Variants in MIPEP observed in about 807,000 individuals in gnomAD.
MIPEP encodes the protein mitochondrial intermediate peptidase.
A neutral mutation model predicts 90.3 loss-of-function variants in MIPEP; 79 were observed. The ratio of observed to expected loss-of-function variants is 0.87; its 90% CI spans 0.73 to 1.05. MIPEP has a LOEUF of 1.05. MIPEP is among the 50% of genes least tolerant of loss of function. The probability of loss-of-function intolerance (pLI) is 0.00; values close to 1 mark genes in which losing one functional copy is unlikely to be tolerated. For missense variants in MIPEP, 940 were observed against 905.6 expected, an observed-to-expected ratio of 1.04 and a Z score of -0.49; for synonymous variants, 334 against 315.8, an observed-to-expected ratio of 1.06 and a Z score of -0.61.
chr13:23,773,475 A>G (rs1323524688), intron 16 of MIPEP, among the ~76,000 whole-genome samples: 4 of 152,062 alleles, frequency 2.6e-5, no homozygotes, highest in African/African-American at 9.7e-5. Context: ...AGAGTTCCCT[A>G]CCACCTGGGA....
intron 16 of MIPEP, among the ~76,000 whole-genome samples, chr13:23,793,410 C>G (rs1304001986): frequency 6.6e-6 from 1 of 152,050 alleles, no homozygotes; most frequent in Non-Finnish European, 1.5e-5. Context: ...GTCGCAAGAG[C>G]CTTCTGGATA....
At chr13:23,841,909 TA>T (rs1384184522) in intron 10 of MIPEP, among the ~76,000 whole-genome samples, 1 of 152,114 alleles carries the variant, frequency 6.6e-6, no homozygotes, top group African/African-American at 2.4e-5. Flanking sequence ...ATTAAATGAA[TA>T]AAAATCCTGA....
chr13:23,774,597 T>C (rs1255569463), intron 16 of MIPEP, among the ~76,000 whole-genome samples: 1 of 152,144 alleles, frequency 6.6e-6, no homozygotes, highest in East Asian at 1.9e-4. Context: ...TTTTACAGTT[T>C]ATACTTTACA....
chr13:23,828,215 T>C (rs972430368), intron 14 of MIPEP, among the ~76,000 whole-genome samples: 2 of 152,232 alleles, frequency 1.3e-5, no homozygotes, highest in Non-Finnish European at 2.9e-5. Context: ...AACAAACCTA[T>C]AACAAACATC....
At chr13:23,858,720 G>A in intron 10 of MIPEP, 140 bp downstream of exon 10, 1 of 691,110 alleles carries the variant, frequency 1.4e-6, no homozygotes, top group Admixed American at 2.4e-5. Context: ...ATACATGAGT[G>A]GAGCAGACCA....
intron 9 of MIPEP, among the ~76,000 whole-genome samples, chr13:23,860,259 T>C (rs1005054130): frequency 7.2e-5 from 11 of 152,196 alleles, no homozygotes; most frequent in African/African-American, 2.2e-4. Flanking sequence ...AGTTTTATGA[T>C]AGAAGCAGTT....
rs115930944 is a variant in MIPEP at position 23,868,635 on chromosome 13, G to A, written c.943+657C>T. ...TCACTGCCAAGACCTTGAGTCTCAC[G>A]CAGCTCCATCATCACGGCCACCCTA... is the stretch of plus-strand genomic sequence containing the variant. On this transcript the variant is annotated intron_variant, in intron 7 of 18. Coordinates refer to ENST00000382172, the MANE Select transcript of MIPEP (RefSeq NM_005932.4). Among the ~76,000 whole-genome samples, 503 of 152,156 alleles carry A rather than the reference G, an allele frequency of 3.3e-3. 5 individuals are homozygous for A. The highest frequency in any genetic ancestry group is 0.011 in the African/African-American group (464 of 41,508).
chr13:23,874,574 T>C (rs554549168), intron 5 of MIPEP, among the ~76,000 whole-genome samples: 39 of 152,228 alleles, frequency 2.6e-4, no homozygotes, highest in Non-Finnish European at 5.3e-4. Context: ...TTTCCTGATA[T>C]TGCCTATCTC....
At chr13:23,760,986 T>C (rs1036671672) in intron 16 of MIPEP, among the ~76,000 whole-genome samples, 1 of 152,200 alleles carries the variant, frequency 6.6e-6, no homozygotes, top group African/African-American at 2.4e-5. Context: ...TTTCATGAAC[T>C]AGTTTTTGTA....
chr13:23,805,639 T>C (rs1451462257), intron 16 of MIPEP, among the ~76,000 whole-genome samples: 1 of 152,180 alleles, frequency 6.6e-6, no homozygotes, highest in Non-Finnish European at 1.5e-5. Context: ...ATCACATTCA[T>C]CTTACATCAC....
chr13:23,759,103 A>G (rs1952514311), intron 17 of MIPEP, among the ~76,000 whole-genome samples: 1 of 152,122 alleles, frequency 6.6e-6, no homozygotes, highest in Non-Finnish European at 1.5e-5. Context: ...GCTATAAACA[A>G]CTCTGACACC....
In MIPEP at chr13:23,886,390, G is replaced by C; in HGVS notation, c.306C>G (p.Pro102=). The part of the protein sequence containing the change: ...VDRACSTPPG[P]QTVLIFDELS... ...GCTCATCGAAGATCAGCACGGTCTGGGGCCCAGGTGGGGTGGAACATGCAC... is the reference window on the plus strand; with the variant it reads ...GCTCATCGAAGATCAGCACGGTCTGCGGCCCAGGTGGGGTGGAACATGCAC... The change falls in exon 2 of 19, where the codon CCC becomes CCG. Residue 102 remains proline, a synonymous_variant. Coordinates refer to ENST00000382172, the MANE Select transcript of MIPEP (RefSeq NM_005932.4). The C allele has an allele frequency of 1.9e-6, 3 of 1,607,646 alleles. No individual in the cohort carries two copies. The Middle Eastern group carries it at 5.0e-4, about 266-fold the overall frequency.
At chr13:23,867,273 T>C (rs1418894769) in intron 7 of MIPEP, among the ~76,000 whole-genome samples, 2 of 152,216 alleles carry the variant, frequency 1.3e-5, no homozygotes, top group South Asian at 2.1e-4. Context: ...TCAGCCACTC[T>C]GCCCTCCTCA....
Position 23,889,369 on chromosome 13 carries a change from G to T in MIPEP, c.-49C>A. On this transcript the variant is annotated 5_prime_UTR_variant, in exon 1 of 19. Transcript: ENST00000382172. Reference sequence around the variant, plus strand: ...CTCCAACGCAGATCCCTGCCCTGCTGCTTTCGCTGGGAGCGCGCGCTCCGC... The same window carrying T: ...CTCCAACGCAGATCCCTGCCCTGCTTCTTTCGCTGGGAGCGCGCGCTCCGC... 1 of 1,242,316 alleles carries T rather than the reference G, an allele frequency of 8.0e-7. No individual in the cohort carries two copies. The highest frequency in any genetic ancestry group is 1.0e-6 in the Non-Finnish European group (1 of 990,678). The allele number at this position is 1,242,316 out of a possible 1,614,324, so 77.0% of individuals were successfully genotyped here.
chr13:23,779,095 C>G (rs1952748101), intron 16 of MIPEP, among the ~76,000 whole-genome samples: 1 of 152,188 alleles, frequency 6.6e-6, no homozygotes, highest in Non-Finnish European at 1.5e-5. Flanking sequence ...CACTAGCACT[C>G]TTTCAAACCA....
rs191532110 is a variant in MIPEP at position 23,760,055 on chromosome 13, T to G, written c.1970+41A>C. 4 of 1,613,074 alleles carry G rather than the reference T, an allele frequency of 2.5e-6. No individual in the cohort carries two copies. In the Admixed American group the frequency reaches 6.7e-5, roughly 27 times the overall value. The stretch of plus-strand genomic sequence containing the variant: ...CAGATGTAATAGAGTGGGGAATTAC[T>G]GTGGTCCAAGATGGGGACATTTTAG... On this transcript the variant is annotated intron_variant, in intron 17 of 18. Coordinates refer to ENST00000382172, the MANE Select transcript of MIPEP (RefSeq NM_005932.4).
intron 10 of MIPEP, among the ~76,000 whole-genome samples, chr13:23,855,534 A>T (rs544150193): frequency 6.6e-6 from 1 of 152,308 alleles, no homozygotes; most frequent in South Asian, 2.1e-4. Flanking sequence ...AAAGGTGATG[A>T]ATTTAACAAG....
At chr13:23,801,579 A>G (rs1322716902) in intron 16 of MIPEP, among the ~76,000 whole-genome samples, 1 of 152,172 alleles carries the variant, frequency 6.6e-6, no homozygotes, top group Admixed American at 6.5e-5. Flanking sequence ...ATCCACTCCT[A>G]TGAATTCTGT....
At chr13:23,847,036 G>A (rs9578650) in intron 10 of MIPEP, among the ~76,000 whole-genome samples, 3,696 of 152,208 alleles carry the variant, frequency 0.024, 171 homozygotes, top group African/African-American at 0.083. Flanking sequence ...TAGAAGGCCT[G>A]AGACCATCCT....
Sources: gnomAD v4.1 joint callset for allele counts (sites outside exome capture counted in the v4.1 genomes callset) on GRCh38, gnomAD v4.1.1 for gene constraint, MANE v1.5 for transcripts, NCBI Gene and HGNC (gene_info 2026-07-23, HGNC 2026-07-21) for gene names.